The following GPC5 variants were observed in gnomAD, a reference collection of about 807,000 sequenced individuals.
GPC5 encodes glypican-5.
Under a neutral mutation model 53.9 loss-of-function variants are expected in GPC5, and 47 were observed. That is an observed-to-expected ratio of 0.87 (90% CI 0.69 to 1.11). The LOEUF (loss-of-function observed/expected upper bound fraction) is 1.11. GPC5 is among the 50% of genes most tolerant of loss of function. GPC5 has a pLI of 0.00. For missense variants in GPC5, 748 were observed against 713.1 expected (o/e 1.05, Z -0.56); for synonymous variants, 286 against 263.3 (o/e 1.09, Z -0.84).
At chr13:91,684,458 G>A (rs1057061904) in intron 2 of GPC5, among the ~76,000 whole-genome samples, 2 of 152,140 alleles carry the variant, frequency 1.3e-5, no homozygotes, top group African/African-American at 4.8e-5. Flanking sequence ...GTACCACTAT[G>A]CATCCAGATA....
At chr13:92,361,976 T>C (rs2043571318) in intron 7 of GPC5, among the ~76,000 whole-genome samples, 1 of 151,634 alleles carries the variant, frequency 6.6e-6, no homozygotes, top group Non-Finnish European at 1.5e-5. Context: ...CTTTTTTCTA[T>C]AGCTCTTAGG....
At chr13:91,754,197 CT>C (rs1211625063) in intron 4 of GPC5, among the ~76,000 whole-genome samples, 1 of 152,016 alleles carries the variant, frequency 6.6e-6, no homozygotes, top group African/African-American at 2.4e-5. Context: ...TTCCAAGAAA[CT>C]TAGATAAAAT....
At chr13:92,389,438 CAATTCTCTTCAAA>C (rs1227986847) in intron 7 of GPC5, among the ~76,000 whole-genome samples, 1 of 151,998 alleles carries the variant, frequency 6.6e-6, no homozygotes, top group Non-Finnish European at 1.5e-5. Context: ...GCAACCCGGG[CAATTCTCTTCAAA>C]AATGCATCAT....
At chr13:91,491,491 C>T (rs1883940561) in intron 2 of GPC5, among the ~76,000 whole-genome samples, 1 of 152,216 alleles carries the variant, frequency 6.6e-6, no homozygotes, top group East Asian at 1.9e-4. Context: ...CCACTAACCA[C>T]ATTAACTTCA....
At chr13:91,896,424 T>C (rs2039443222) in intron 5 of GPC5, among the ~76,000 whole-genome samples, 1 of 152,086 alleles carries the variant, frequency 6.6e-6, no homozygotes, top group Non-Finnish European at 1.5e-5. Flanking sequence ...GGCCCCCTAT[T>C]TTAAGACCCT....
intron 7 of GPC5, among the ~76,000 whole-genome samples, chr13:92,225,707 T>C (rs774302227): frequency 6.6e-6 from 1 of 152,124 alleles, no homozygotes; most frequent in Non-Finnish European, 1.5e-5. Context: ...TGCATCATAA[T>C]ATGAACTCAA....
At chr13:92,402,968 A>C (rs1875627133) in intron 7 of GPC5, among the ~76,000 whole-genome samples, 1 of 152,208 alleles carries the variant, frequency 6.6e-6, no homozygotes, top group Admixed American at 6.5e-5. Context: ...GAATTGACTC[A>C]TGCCTCCTCA....
At chr13:91,596,761 A>G (rs1268610548) in intron 2 of GPC5, among the ~76,000 whole-genome samples, 1 of 152,134 alleles carries the variant, frequency 6.6e-6, no homozygotes, top group Non-Finnish European at 1.5e-5. Context: ...TGCCCGGTGA[A>G]TTATGAGGTT....
intron 3 of GPC5, among the ~76,000 whole-genome samples, chr13:91,703,389 T>TA (rs1566623068): frequency 1.3e-5 from 2 of 152,296 alleles, no homozygotes; most frequent in East Asian, 3.9e-4. Flanking sequence ...CATGAAAGAA[T>TA]ATTGAATTGT....
At chr13:92,056,812 T>G (rs1287592023) in intron 6 of GPC5, among the ~76,000 whole-genome samples, 1 of 152,226 alleles carries the variant, frequency 6.6e-6, no homozygotes, top group Non-Finnish European at 1.5e-5. Context: ...GCTACATTAT[T>G]TTTCTGAAAT....
intron 2 of GPC5, among the ~76,000 whole-genome samples, chr13:91,575,574 G>T (rs2032100899): frequency 6.6e-6 from 1 of 152,078 alleles, no homozygotes; most frequent in Non-Finnish European, 1.5e-5. Flanking sequence ...TTATATGCAT[G>T]TTAAAACTGT....
chr13:92,367,364 T>C (rs2043614789), intron 7 of GPC5, among the ~76,000 whole-genome samples: 1 of 152,186 alleles, frequency 6.6e-6, no homozygotes, highest in Admixed American at 6.5e-5. Context: ...TAGAAGATCT[T>C]AGATCATTTA....
intron 6 of GPC5, among the ~76,000 whole-genome samples, chr13:91,973,912 G>C (rs1486549008): frequency 2.6e-5 from 4 of 152,226 alleles, no homozygotes; most frequent in Non-Finnish European, 5.9e-5. Flanking sequence ...ATGCCTCCCA[G>C]TTAGGCTGCT....
chr13:92,513,579 T>A (rs989866996), intron 7 of GPC5, among the ~76,000 whole-genome samples: 10 of 151,080 alleles, frequency 6.6e-5, no homozygotes, highest in African/African-American at 2.2e-4. Flanking sequence ...TTTCCTTTTT[T>A]CTTTCCTTTC....
At chr13:91,656,229 C>G (rs1285893824) in intron 2 of GPC5, among the ~76,000 whole-genome samples, 1 of 152,154 alleles carries the variant, frequency 6.6e-6, no homozygotes, top group African/African-American at 2.4e-5. Context: ...GTCCTATTTT[C>G]TACCTAGTTG....
chr13:92,323,657 TGAAAA>T (rs929827011), intron 7 of GPC5, among the ~76,000 whole-genome samples: 2 of 151,856 alleles, frequency 1.3e-5, no homozygotes, highest in South Asian at 2.1e-4. Flanking sequence ...AAATAGGACT[TGAAAA>T]GAAAGACCGA....
At chr13:92,025,492 C>T (rs973224337) in intron 6 of GPC5, among the ~76,000 whole-genome samples, 6 of 152,108 alleles carry the variant, frequency 3.9e-5, no homozygotes, top group Admixed American at 6.6e-5. Flanking sequence ...AGCAGATAAG[C>T]GGACAAAGTA....
intron 7 of GPC5, among the ~76,000 whole-genome samples, chr13:92,322,326 G>A (rs1298392887): frequency 6.6e-6 from 1 of 151,484 alleles, no homozygotes; most frequent in Non-Finnish European, 1.5e-5. Flanking sequence ...GCTAAATTTA[G>A]GGCATAAAAT....
At chr13:91,468,497 C>G (rs1303941731) in intron 2 of GPC5, among the ~76,000 whole-genome samples, 3 of 152,054 alleles carry the variant, frequency 2.0e-5, no homozygotes, top group African/African-American at 7.2e-5. Flanking sequence ...GAAATATGTA[C>G]AGAGGAAAGA....
Sources: allele counts gnomAD v4.1 joint callset (sites outside exome capture counted in the v4.1 genomes callset), GRCh38; gene constraint gnomAD v4.1.1; transcripts MANE v1.5; gene names NCBI Gene and HGNC (gene_info 2026-07-23, HGNC 2026-07-21).